SEMA3A: variants seen among roughly 807,000 people sequenced by gnomAD.
The protein encoded by SEMA3A is semaphorin-3A.
SEMA3A carries 29 observed loss-of-function variants against 97.9 expected under a neutral mutation model. The ratio of observed to expected loss-of-function variants is 0.30; its 90% confidence interval spans 0.22 to 0.40. SEMA3A has a LOEUF of 0.40. SEMA3A is among the 10% of genes least tolerant of loss of function. The probability of loss-of-function intolerance (pLI) is 1.00; values close to 1 mark genes in which losing one functional copy is unlikely to be tolerated. For synonymous variants in SEMA3A, 321 were observed against 323.7 expected, an observed-to-expected ratio of 0.99 and a Z score of 0.09; for missense variants, 763 against 951.3, an observed-to-expected ratio of 0.80 and a Z score of 2.60.
At chr7:84,371,980 T>A (rs1393125467) in intron 1 of SEMA3A, 1 of 152,026 alleles carries the variant, frequency 6.6e-6, no homozygotes, top group Non-Finnish European at 1.5e-5. Context: ...ACTGGTTTAA[T>A]AAACAAAAAA....
chr7:84,130,899 T>A (rs551244627), intron 2 of SEMA3A, among the ~76,000 whole-genome samples: 2 of 152,144 alleles, frequency 1.3e-5, no homozygotes, highest in African/African-American at 4.8e-5. Context: ...AATATAAAAA[T>A]ATATATACTT....
chr7:83,968,803 CCTTT>C (rs1788811664), intron 15 of SEMA3A, among the ~76,000 whole-genome samples: 2 of 123,404 alleles, frequency 1.6e-5, no homozygotes, highest in Admixed American at 8.1e-5. Flanking sequence ...TCTTTTCTTT[CCTTT>C]TTTTTTTTTT....
intron 3 of SEMA3A, among the ~76,000 whole-genome samples, chr7:84,280,379 C>A (rs2158321): frequency 6.6e-6 from 1 of 152,120 alleles, no homozygotes; most frequent in Admixed American, 6.6e-5. Flanking sequence ...CACTGTACCA[C>A]GGCAATTTAT....
chr7:84,338,656 T>A (rs2115977902), intron 2 of SEMA3A, among the ~76,000 whole-genome samples: 1 of 152,202 alleles, frequency 6.6e-6, no homozygotes, highest in East Asian at 1.9e-4. Context: ...GGTAGTAAAA[T>A]GACAGAGATG....
At chr7:84,329,138 G>A (rs898918179) in intron 2 of SEMA3A, among the ~76,000 whole-genome samples, 10 of 152,030 alleles carry the variant, frequency 6.6e-5, no homozygotes, top group South Asian at 4.1e-4. Flanking sequence ...TCAAGCAAAC[G>A]GGGATGTTGT....
intron 2 of SEMA3A, among the ~76,000 whole-genome samples, chr7:84,313,384 A>G (rs918018613): frequency 1.1e-4 from 11 of 95,746 alleles, no homozygotes; most frequent in African/African-American, 3.8e-4. Flanking sequence ...ATATATATAT[A>G]TATATATATA....
chr7:84,114,045 T>C (rs1216621059), intron 3 of SEMA3A, among the ~76,000 whole-genome samples: 2 of 152,108 alleles, frequency 1.3e-5, no homozygotes, highest in East Asian at 1.9e-4. Flanking sequence ...AAAACAAACA[T>C]TGCAGATATG....
At chr7:83,990,584 C>T (rs1789869042) in intron 12 of SEMA3A, among the ~76,000 whole-genome samples, 2 of 144,842 alleles carry the variant, frequency 1.4e-5, no homozygotes, top group Admixed American at 1.4e-4. Flanking sequence ...GAATCCTTTC[C>T]CCATTGCTTG....
chr7:84,058,797 T>G (rs1258153175), intron 5 of SEMA3A, among the ~76,000 whole-genome samples: 2 of 152,168 alleles, frequency 1.3e-5, no homozygotes, highest in African/African-American at 4.8e-5. Flanking sequence ...TCACTGAACT[T>G]TGCTCATTCT....
chr7:84,145,537 G>A (rs983030586), intron 1 of SEMA3A, among the ~76,000 whole-genome samples: 4 of 152,052 alleles, frequency 2.6e-5, no homozygotes, highest in African/African-American at 9.7e-5. Flanking sequence ...TATAAATTAT[G>A]TTCAAATGAC....
intron 1 of SEMA3A, among the ~76,000 whole-genome samples, chr7:84,388,741 A>G (rs2116166379): frequency 6.6e-6 from 1 of 152,182 alleles, no homozygotes; most frequent in South Asian, 2.1e-4. Context: ...GTAGGTTATT[A>G]GAGGAGATAT....
chr7:84,292,997 A>G (rs1346283914), intron 3 of SEMA3A, among the ~76,000 whole-genome samples: 2 of 152,116 alleles, frequency 1.3e-5, no homozygotes, highest in East Asian at 1.9e-4. Flanking sequence ...TACATTATAT[A>G]GAAGTAGAAA....
intron 3 of SEMA3A, among the ~76,000 whole-genome samples, chr7:84,115,013 G>A (rs916079744): frequency 1.3e-5 from 2 of 151,794 alleles, no homozygotes; most frequent in Non-Finnish European, 2.9e-5. Context: ...GTCCATTTTG[G>A]GAGGCATTTT....
chr7:84,232,331 A>T (rs966371315), intron 3 of SEMA3A, among the ~76,000 whole-genome samples: 1 of 149,932 alleles, frequency 6.7e-6, no homozygotes, highest in African/African-American at 2.4e-5. Flanking sequence ...TTGAAAATAT[A>T]TAAGGAAAAA....
In SEMA3A at chr7:84,469,236, G is replaced by A. The variant is rs138572713; in HGVS notation, c.-246+23224C>T. ...TACTTCCTGTCTTTGGGAGACCTTCGCTCTTGTTAGTACTGCTATCCCATT... is the reference window on the plus strand; with the variant it reads ...TACTTCCTGTCTTTGGGAGACCTTCACTCTTGTTAGTACTGCTATCCCATT... On this transcript the variant is annotated intron_variant, in intron 1 of 3. Coordinates refer to the SEMA3A transcript ENST00000424555. 2.8e-3 allele frequency among the ~76,000 whole-genome samples: 425 copies of A among 152,202 alleles called. 3 individuals are homozygous for A. The highest frequency in any genetic ancestry group is 9.5e-3 in the African/African-American group (395 of 41,556).
At chr7:84,383,409 C>T (rs1042873203) in intron 1 of SEMA3A, among the ~76,000 whole-genome samples, 6 of 151,960 alleles carry the variant, frequency 3.9e-5, no homozygotes, top group Admixed American at 2.6e-4. Context: ...TTCCAAAGTA[C>T]AGTAAATTTG....
chr7:84,110,646 T>A, intron 3 of SEMA3A, 57 bp from the exon 4 acceptor site: 1 of 1,586,734 alleles, frequency 6.3e-7, no homozygotes, highest in Non-Finnish European at 8.6e-7. Context: ...TGAGGTATCC[T>A]CTAGGGTGCT....
At chr7:84,473,110 T>G (rs2116414176) in intron 1 of SEMA3A, among the ~76,000 whole-genome samples, 1 of 151,102 alleles carries the variant, frequency 6.6e-6, no homozygotes, top group East Asian at 2.0e-4. Context: ...TTCAGAGAAG[T>G]ATTGTTTGGG....
At chr7:84,169,371 A>ATATAAC (rs1797313350) in intron 1 of SEMA3A, among the ~76,000 whole-genome samples, 1 of 150,978 alleles carries the variant, frequency 6.6e-6, no homozygotes, top group South Asian at 2.1e-4. Context: ...GTCTAATGTA[A>ATATAAC]TATAACATAC....
Sources: allele counts gnomAD v4.1 joint callset (sites outside exome capture counted in the v4.1 genomes callset), GRCh38; gene constraint gnomAD v4.1.1; transcripts MANE v1.5; gene names NCBI Gene and HGNC (gene_info 2026-07-23, HGNC 2026-07-21).